Variants in BCAS3 observed in about 807,000 individuals in gnomAD.
The protein encoded by BCAS3 is BCAS4/BCAS3 fusion.
Under a neutral mutation model 116.1 loss-of-function variants are expected in BCAS3, and 53 were observed. The observed-to-expected ratio is 0.46, with a 90% CI of 0.37 to 0.57. The LOEUF (loss-of-function observed/expected upper bound fraction) is 0.57, where lower values mean the gene tolerates loss of function less well. Among genes scored for constraint, BCAS3 ranks in the 20% least tolerant of loss-of-function variants. The pLI is 0.00. For missense variants in BCAS3, 917 were observed against 1,165.4 expected (o/e 0.79, Z 3.10); for synonymous variants, 391 against 408.2 (o/e 0.96, Z 0.51).
chr17:61,380,836 T>C lies in BCAS3; in HGVS notation c.2594-11141T>C, dbSNP rs1017295309. On this transcript the variant is annotated intron_variant, in intron 23 of 23. Transcript: ENST00000407086. The surrounding 1 kb of genome is among the most constrained non-coding windows in gnomAD (Gnocchi z 4.2). ...AGATGGAAGTGAAATTTTCGGACTCTGCTGTGCAGAGCAGGGAGGTCACTA... is the reference window on the plus strand; with the variant it reads ...AGATGGAAGTGAAATTTTCGGACTCCGCTGTGCAGAGCAGGGAGGTCACTA... Among the ~76,000 whole-genome samples, 1 of 152,226 alleles carries C rather than the reference T, an allele frequency of 6.6e-6. No homozygotes were observed. The highest frequency in any genetic ancestry group is 2.4e-5 in the African/African-American group (1 of 41,454).
At chr17:60,924,155 T>C (rs1360390994) in intron 12 of BCAS3, among the ~76,000 whole-genome samples, 1 of 152,194 alleles carries the variant, frequency 6.6e-6, no homozygotes, top group Non-Finnish European at 1.5e-5. Context: ...CTTGAAGAAG[T>C]AATTGTTTCT....
intron 22 of BCAS3, among the ~76,000 whole-genome samples, chr17:61,242,185 A>G (rs2047580262): frequency 6.6e-6 from 1 of 151,814 alleles, no homozygotes; most frequent in Non-Finnish European, 1.5e-5. Flanking sequence ...CTGAGGCAAG[A>G]GAATTGCTTG....
chr17:60,680,544 A>G (rs896012639), intron 2 of BCAS3, among the ~76,000 whole-genome samples: 30 of 152,162 alleles, frequency 2.0e-4, no homozygotes, highest in African/African-American at 6.5e-4. Context: ...AGTAAGTGTC[A>G]TAGTATATGT....
chr17:61,165,551 T>C (rs2078438178), intron 22 of BCAS3, among the ~76,000 whole-genome samples: 2 of 152,052 alleles, frequency 1.3e-5, no homozygotes, highest in Admixed American at 6.6e-5. Flanking sequence ...CCAGGCATGG[T>C]GTCACATGCC....
intron 13 of BCAS3, among the ~76,000 whole-genome samples, chr17:60,946,771 C>T (rs1352673663): frequency 6.6e-6 from 1 of 151,952 alleles, no homozygotes; most frequent in Non-Finnish European, 1.5e-5. Flanking sequence ...ATTAGCCAAG[C>T]ATGGTGGCAT....
intron 16 of BCAS3, among the ~76,000 whole-genome samples, chr17:61,031,037 G>T (rs1242329318): frequency 1.3e-5 from 2 of 151,888 alleles, no homozygotes; most frequent in Non-Finnish European, 2.9e-5. Flanking sequence ...TTCTATCATT[G>T]TATTATTAAC....
At chr17:60,855,449 TA>T (rs1469818414) in intron 7 of BCAS3, among the ~76,000 whole-genome samples, 2 of 149,086 alleles carry the variant, frequency 1.3e-5, no homozygotes, top group Admixed American at 6.7e-5. Flanking sequence ...TCACTATTTT[TA>T]AATTTTTTTT....
chr17:60,713,752 A>G (rs2038209993), intron 5 of BCAS3, among the ~76,000 whole-genome samples: 1 of 152,244 alleles, frequency 6.6e-6, no homozygotes, highest in Non-Finnish European at 1.5e-5. Context: ...CTTGAGCATG[A>G]TGGACTTTGG....
At chr17:60,984,609 A>G (rs538534364) in intron 14 of BCAS3, among the ~76,000 whole-genome samples, 8 of 152,300 alleles carry the variant, frequency 5.3e-5, no homozygotes, top group Non-Finnish European at 5.9e-5. Flanking sequence ...CACCTCAAGC[A>G]TGTATCCTCT....
chr17:60,848,421 C>T (rs554775574), intron 7 of BCAS3, among the ~76,000 whole-genome samples: 105 of 152,238 alleles, frequency 6.9e-4, no homozygotes, highest in South Asian at 2.7e-3. Context: ...CTAGATTTTG[C>T]GTGTTGATCC....
chr17:61,144,310 T>C lies in BCAS3; in HGVS notation c.2425+59746T>C, dbSNP rs896093510. On this transcript the variant is annotated intron_variant, in intron 22 of 23. Transcript: ENST00000407086. The surrounding 1 kb of genome is among the most constrained non-coding windows in gnomAD (Gnocchi z 5.0). The stretch of plus-strand genomic sequence containing the variant: ...ATATAAGGCAAGTGACTCCCTACCA[T>C]CTCCTCCGAGTCTTCTACGTGTATG... 8.5e-5 allele frequency among the ~76,000 whole-genome samples: 13 copies of C among 152,126 alleles called. No homozygotes were observed. The highest frequency in any genetic ancestry group is 3.1e-4 in the African/African-American group (13 of 41,426).
chr17:61,086,313 G>A (rs1002642556), intron 22 of BCAS3, among the ~76,000 whole-genome samples: 1 of 152,108 alleles, frequency 6.6e-6, no homozygotes, highest in Non-Finnish European at 1.5e-5. Flanking sequence ...GGCTAGTCTT[G>A]AACTCCTGAC....
rs932064275 is a variant in BCAS3, at chr17:61,118,805, A to G, written c.2425+34241A>G. 6.6e-6 allele frequency among the ~76,000 whole-genome samples: 1 copy of G among 152,144 alleles called. No individual in the cohort carries two copies. The highest frequency in any genetic ancestry group is 2.4e-5 in the African/African-American group (1 of 41,428). ...TAGAAATGTTCAATAACCTTTACCA[A>G]TATGGGGACTAACTTCGCAGGATTC... On this transcript the variant is annotated intron_variant, in intron 22 of 23. Transcript: ENST00000407086. This position sits in a 1 kb window ranked among gnomAD's most constrained non-coding sequence, Gnocchi z 5.0.
rs76235834 is a variant in BCAS3, at chr17:61,350,135, A to G, written c.2426-18192A>G. ...GGGTTCTTTTATTTCATTAAAAAAT[A>G]TATAAATTTTGGCTGGGTGCCATGG... On this transcript the variant is annotated intron_variant, in intron 22 of 23. Coordinates refer to ENST00000407086, the MANE Select transcript of BCAS3 (RefSeq NM_017679.5). 2.2e-3 allele frequency among the ~76,000 whole-genome samples: 331 copies of G among 152,262 alleles called. 4 individuals are homozygous for G. Among genetic ancestry groups the G allele is most frequent in the East Asian group, 0.022 (112 of 5,180 alleles).
chr17:60,687,296 C>A (rs750469674), intron 3 of BCAS3, among the ~76,000 whole-genome samples: 1 of 152,168 alleles, frequency 6.6e-6, no homozygotes, highest in African/African-American at 2.4e-5. Context: ...TGGCAGTACA[C>A]TGACCTCTAT....
At chr17:60,991,255 GA>G (rs2063506413) in intron 15 of BCAS3, among the ~76,000 whole-genome samples, 1 of 152,128 alleles carries the variant, frequency 6.6e-6, no homozygotes, top group Non-Finnish European at 1.5e-5. Context: ...ATATTTGTGA[GA>G]TTCAGTTATG....
rs1190119943 is a variant in BCAS3 at position 61,241,569 on chromosome 17, A to G, written c.2426-126758A>G. Among the ~76,000 whole-genome samples, 3 of 151,848 alleles carry G rather than the reference A, an allele frequency of 2.0e-5. No individual in the cohort carries two copies. Among genetic ancestry groups the G allele is most frequent in the African/African-American group, 4.8e-5 (2 of 41,336 alleles). Reference sequence around the variant, plus strand: ...TACTAAAAAAAAATTACAAAAAAAAATTAGCCGGCCGTGGTGGCGGGTGCC... The same window carrying G: ...TACTAAAAAAAAATTACAAAAAAAAGTTAGCCGGCCGTGGTGGCGGGTGCC... On this transcript the variant is annotated intron_variant, in intron 22 of 23. Transcript: ENST00000407086. The surrounding 1 kb of genome is among the most constrained non-coding windows in gnomAD (Gnocchi z 4.6).
intron 12 of BCAS3, among the ~76,000 whole-genome samples, chr17:60,918,112 C>G (rs1226496964): frequency 6.6e-6 from 1 of 152,128 alleles, no homozygotes; most frequent in African/African-American, 2.4e-5. Context: ...GGATAAGGGT[C>G]TCAATTTCTC....
intron 22 of BCAS3, among the ~76,000 whole-genome samples, chr17:61,238,092 G>A (rs562560912): frequency 2.6e-4 from 40 of 152,176 alleles, no homozygotes; most frequent in African/African-American, 8.2e-4. Context: ...CACTTTTGTC[G>A]CCCAGGCTGG....
Sources: gnomAD v4.1 joint callset for allele counts (sites outside exome capture counted in the v4.1 genomes callset) on GRCh38, gnomAD v4.1.1 for gene constraint, Gnocchi (gnomAD v3.1) non-coding constraint, MANE v1.5 for transcripts, NCBI Gene and HGNC (gene_info 2026-07-23, HGNC 2026-07-21) for gene names.